The following SAMD9 variants were observed in gnomAD, a reference collection of about 807,000 sequenced individuals.
The protein encoded by SAMD9 is sterile alpha motif domain containing 9.
A neutral mutation model predicts 1.5 loss-of-function variants in SAMD9; 3 were observed. The ratio of observed to expected loss-of-function variants is 2.05; its 90% confidence interval spans 0.93 to 5.29. The LOEUF is 5.29. SAMD9 is among the 30% of genes most tolerant of loss of function. The probability of loss-of-function intolerance (pLI) is 0.02; values close to 1 mark genes in which losing one functional copy is unlikely to be tolerated. For synonymous variants in SAMD9, 635 were observed against 631.9 expected (o/e 1.00, Z -0.07); for missense variants, 1,597 against 1,820.8 (o/e 0.88, Z 2.24).
chr7:93,105,987 A>G lies in SAMD9; in HGVS notation c.111T>C (p.Thr37=), dbSNP rs974875258. The change falls in exon 3 of 3, where the codon ACT becomes ACC. Residue 37 remains threonine, a synonymous_variant. Coordinates refer to ENST00000379958, the MANE Select transcript of SAMD9 (RefSeq NM_017654.4). ...KIDQKHREIL[T]EQDVNGAVLK... The stretch of plus-strand genomic sequence containing the variant: ...AGACTGCTCCATTCACGTCTTGTTC[A>G]GTCAAAATTTCCCTGTGTTTTTGGT... The G allele has an allele frequency of 5.0e-6, 8 of 1,594,828 alleles. No homozygotes were observed. Among genetic ancestry groups the G allele is most frequent in the South Asian group, 1.1e-5 (1 of 87,300 alleles).
chr7:93,105,370 G>A lies in SAMD9; in HGVS notation c.728C>T (p.Pro243Leu), dbSNP rs1159455564. The stretch of plus-strand genomic sequence containing the variant: ...TTTGATGCCAACAATTTTCCCATGG[G>A]GTTTGTCTTTGACTCCAAAATGAAT... ...GTIHFGVKDK[P>L]HGKIVGIKVT... Residue 243 changes from proline (P) to leucine (L), a missense_variant, in exon 3 of 3, where the codon CCC (proline) becomes CTC (leucine). Around this residue, in one of 6 missense-constraint regions of SAMD9, gnomAD observed 498 missense variants for 457.4 expected, o/e 1.09. Transcript: ENST00000379958. The A allele has an allele frequency of 3.1e-6, 5 of 1,613,856 alleles. No homozygotes were observed. The highest frequency in any genetic ancestry group is 4.2e-6 in the Non-Finnish European group (5 of 1,179,960).
rs949182488 is a variant in SAMD9 at position 93,100,646 on chromosome 7, GTGTC to G, written c.*678_*681del. On this transcript the variant is annotated 3_prime_UTR_variant, in exon 3 of 3. Transcript: ENST00000379958. Reference sequence around the variant, plus strand: ...TTGTTCATTAGCTTGTGGAATTTGAGTGTCTGTATGTTTTTTTTTTAATTGTTTG... The same window carrying G: ...TTGTTCATTAGCTTGTGGAATTTGAGTGTATGTTTTTTTTTTAATTGTTTG... 6.6e-6 allele frequency: 1 copy of G among 151,258 alleles called. No homozygotes were observed. The highest frequency in any genetic ancestry group is 2.4e-5 in the African/African-American group (1 of 41,102). The allele number at this position is 151,258 out of a possible 1,614,324, so 9.4% of individuals were successfully genotyped here.
In SAMD9 at chr7:93,105,606, A is replaced by G. The variant is rs1280098124; in HGVS notation, c.492T>C (p.Tyr164=). 6.2e-7 allele frequency: 1 copy of G among 1,614,108 alleles called. No individual in the cohort carries two copies. Among genetic ancestry groups the G allele is most frequent in the South Asian group, 1.1e-5 (1 of 91,078 alleles). ...ATGGATTACTGAATTCATCAAATGG[A>G]TATGATACACATGTCAGGTCTATGG... is the stretch of plus-strand genomic sequence containing the variant. ...QPSIDLTCVS[Y]PFDEFSNPYR... The change falls in exon 3 of 3, where the codon TAT becomes TAC. Residue 164 remains tyrosine (Y), a synonymous_variant. Coordinates refer to ENST00000379958, the MANE Select transcript of SAMD9 (RefSeq NM_017654.4).
rs768443589 is a variant in SAMD9, at chr7:93,101,356, G to A, written c.4742C>T (p.Pro1581Leu). The A allele has an allele frequency of 1.2e-6, 2 of 1,612,766 alleles. No homozygotes were observed. The highest frequency in any genetic ancestry group is 1.7e-5 in the Admixed American group (1 of 59,972). The change falls in exon 3 of 3, where the codon CCA becomes CTA. Residue 1581 changes from proline to leucine, a missense_variant. This residue lies in a region of SAMD9 where 682 missense variants were observed against 810.0 expected (regional missense o/e 0.84). Coordinates refer to ENST00000379958, the MANE Select transcript of SAMD9 (RefSeq NM_017654.4). Reference sequence around the variant, plus strand: ...AACAATTTCAATGTCATAAGCAAGTGGGCCTCCAATGGAAAATCCCAGGTA... The same window carrying A: ...AACAATTTCAATGTCATAAGCAAGTAGGCCTCCAATGGAAAATCCCAGGTA... ...SFYLGFSIGGPLAYDIEIV is the reference protein window; with the variant it reads ...SFYLGFSIGGLLAYDIEIV
chr7:93,105,850 A>G lies in SAMD9; in HGVS notation c.248T>C (p.Ile83Thr), dbSNP rs772605331. 6.2e-7 allele frequency: 1 copy of G among 1,614,122 alleles called. No homozygotes were observed. The highest frequency in any genetic ancestry group is 8.5e-7 in the Non-Finnish European group (1 of 1,180,016). Residue 83 changes from isoleucine (I) to threonine (T), a missense_variant, in exon 3 of 3, where the codon ATT becomes ACT. Around this residue, in one of 6 missense-constraint regions of SAMD9, gnomAD observed 498 missense variants for 457.4 expected, o/e 1.09. Coordinates refer to ENST00000379958, the MANE Select transcript of SAMD9 (RefSeq NM_017654.4). ...ELRKTAIEDS[I>T]QTSKMGKPSK... ...GGGCTTTCCCATCTTAGATGTCTGA[A>G]TCGAATCTTCAATGGCTGTTTTCCG...
intron 2 of SAMD9, among the ~76,000 whole-genome samples, chr7:93,112,469 G>A (rs1791762040): frequency 6.6e-6 from 1 of 152,174 alleles, no homozygotes; most frequent in South Asian, 2.1e-4. Context: ...AATTAGGCAG[G>A]ATAAAGAAAT....
rs759077484 is a variant in SAMD9, at chr7:93,105,310, T to C, written c.788A>G (p.His263Arg). Residue 263 changes from histidine to arginine, a missense_variant, in exon 3 of 3, where the codon CAT (histidine) becomes CGT (arginine). His to Arg is a conservative substitution (Grantham distance 29). This residue lies in a region of SAMD9 where 498 missense variants were observed against 457.4 expected (regional missense o/e 1.09). Coordinates refer to ENST00000379958, the MANE Select transcript of SAMD9 (RefSeq NM_017654.4). ...ATACTTGTTTATCATCAGATTGAAA[T>C]GGTTAATGAGGGCTTCCTTGGTATC... is the stretch of plus-strand genomic sequence containing the variant. The part of the protein sequence containing the change: ...TNDTKEALIN[H>R]FNLMINKYFE... The C allele has an allele frequency of 7.4e-6, 12 of 1,613,888 alleles. No individual in the cohort carries two copies. In the East Asian group the frequency reaches 2.5e-4, roughly 33 times the overall value.
rs904839873 is a variant in SAMD9 at position 93,100,111 on chromosome 7, C to T, written c.*1217G>A. 2.6e-5 allele frequency: 4 copies of T among 152,156 alleles called. No individual in the cohort carries two copies. The highest frequency in any genetic ancestry group is 2.0e-4 in the Admixed American group (3 of 15,288). 9.4% of individuals were successfully genotyped at this position (152,156 alleles called of 1,614,324 possible). ...TCCCCAACATTTTTTTGGTCCTTTG[C>T]AATTTCTTTCTTTTTTGGTTGAAGA... On this transcript the variant is annotated 3_prime_UTR_variant, in exon 3 of 3. Transcript: ENST00000379958.
rs1791594240 is a variant in SAMD9 at position 93,104,429 on chromosome 7, T to C, written c.1669A>G (p.Ile557Val). The C allele has an allele frequency of 2.5e-6, 4 of 1,613,858 alleles. No homozygotes were observed. Among genetic ancestry groups the C allele is most frequent in the Non-Finnish European group, 3.4e-6 (4 of 1,179,882 alleles). The change falls in exon 3 of 3, where the codon ATT becomes GTT. Residue 557 changes from isoleucine (I) to valine (V), a missense_variant. Physicochemically the swap from Ile to Val is conservative, Grantham distance 29. This residue lies in a region of SAMD9 where 358 missense variants were observed against 460.4 expected (regional missense o/e 0.78). Transcript: ENST00000379958. ...TGGTAGAAAGCACAGAAAGTCTCAA[T>C]GAGGGGATCTCTTGGGTCATCCACA... ...SSVDDPRDPL[I>V]ETFCAFYQDL...
At chr7:93,116,110 C>A (rs1159327872) in intron 1 of SAMD9, among the ~76,000 whole-genome samples, 1 of 152,208 alleles carries the variant, frequency 6.6e-6, no homozygotes, top group East Asian at 1.9e-4. Context: ...CTCTCATCCC[C>A]CATCTCGCCG....
At chr7:93,111,104 G>A (rs1268415509) in intron 2 of SAMD9, among the ~76,000 whole-genome samples, 10 of 151,942 alleles carry the variant, frequency 6.6e-5, no homozygotes, top group Admixed American at 2.0e-4. Flanking sequence ...ATAACAAACT[G>A]TCTCTCAGAC....
chr7:93,101,782 A>C lies in SAMD9; in HGVS notation c.4316T>G (p.Phe1439Cys). The C allele has an allele frequency of 6.2e-7, 1 of 1,613,832 alleles. No individual in the cohort carries two copies. The highest frequency in any genetic ancestry group is 8.5e-7 in the Non-Finnish European group (1 of 1,179,776). ...SEPYFLASLL[F>C]WPENQQLDQH... Reference sequence around the variant, plus strand: ...ATCTAGTTGTTGATTTTCTGGCCAGAATAAGAGGGAAGCTAGAAAATACGG... The same window carrying C: ...ATCTAGTTGTTGATTTTCTGGCCAGCATAAGAGGGAAGCTAGAAAATACGG... The change falls in exon 3 of 3, where the codon TTC (phenylalanine) becomes TGC (cysteine). Residue 1439 changes from phenylalanine to cysteine, a missense_variant. Phe to Cys is a radical substitution (Grantham distance 205). Around this residue, in one of 6 missense-constraint regions of SAMD9, gnomAD observed 682 missense variants for 810.0 expected, o/e 0.84. Coordinates refer to ENST00000379958, the MANE Select transcript of SAMD9 (RefSeq NM_017654.4).
chr7:93,103,065 CATATCCAACATA>C lies in SAMD9; in HGVS notation c.3021_3032del (p.Ile1007_Asp1010del), dbSNP rs769847956. On this transcript the variant is annotated inframe_deletion, in exon 3 of 3. Transcript: ENST00000379958. The stretch of plus-strand genomic sequence containing the variant: ...TATCGAAGAACAAATTCTCAGTTAG[CATATCCAACATA>C]ATTTGACTTTTATTCAGGTGATAGC... The C allele has an allele frequency of 1.2e-6, 2 of 1,613,818 alleles. No homozygotes were observed. The highest frequency in any genetic ancestry group is 3.3e-5 in the Admixed American group (2 of 59,998).
At position 93,106,064 on chromosome 7, in the gene SAMD9, C is replaced by A; in HGVS notation, c.34G>T (p.Asp12Tyr). 1 of 1,591,778 alleles carries A rather than the reference C, an allele frequency of 6.3e-7. No homozygotes were observed. The highest frequency in any genetic ancestry group is 8.5e-7 in the Non-Finnish European group (1 of 1,173,204). Residue 12 changes from aspartate (D) to tyrosine (Y), a missense_variant, in exon 3 of 3, where the codon GAT (aspartate) becomes TAT (tyrosine). Asp to Tyr is a radical substitution (Grantham distance 160). Transcript: ENST00000379958. Reference sequence around the variant, plus strand: ...TTTACATCCTCTTTTGTCCAATCATCTGTATTTTCTGGAAGGTTAAGTTGC... The same window carrying A: ...TTTACATCCTCTTTTGTCCAATCATATGTATTTTCTGGAAGGTTAAGTTGC... ...AKQLNLPENT[D>Y]DWTKEDVNQW... is the part of the protein sequence containing the mutation.
chr7:93,103,052 A>T lies in SAMD9; in HGVS notation c.3046T>A (p.Leu1016Met), dbSNP rs1426721125. Residue 1016 changes from leucine (L) to methionine (M), a missense_variant, in exon 3 of 3, where the codon TTG becomes ATG. Transcript: ENST00000379958. ...QIMLDMLTEN[L>M]FFDTGMGKSK... is the part of the protein sequence containing the mutation. Reference sequence around the variant, plus strand: ...TTTCCCATACCAGTATCGAAGAACAAATTCTCAGTTAGCATATCCAACATA... The same window carrying T: ...TTTCCCATACCAGTATCGAAGAACATATTCTCAGTTAGCATATCCAACATA... 2 of 1,613,940 alleles carry T rather than the reference A, an allele frequency of 1.2e-6. No homozygotes were observed. Among genetic ancestry groups the T allele is most frequent in the Non-Finnish European group, 1.7e-6 (2 of 1,179,814 alleles).
At chr7:93,107,305 G>C (rs892192633) in intron 2 of SAMD9, among the ~76,000 whole-genome samples, 4 of 152,156 alleles carry the variant, frequency 2.6e-5, no homozygotes, top group African/African-American at 9.7e-5. Flanking sequence ...ATAGCTTGCT[G>C]AGTAGTGAAC....
At chr7:93,112,625 G>A (rs183118952) in intron 2 of SAMD9, among the ~76,000 whole-genome samples, 7 of 152,292 alleles carry the variant, frequency 4.6e-5, no homozygotes, top group Admixed American at 3.3e-4. Flanking sequence ...CAAAATCAAT[G>A]TGCAAAAATC....
intron 2 of SAMD9, among the ~76,000 whole-genome samples, chr7:93,106,363 C>T (rs1791644685): frequency 6.6e-6 from 1 of 152,086 alleles, no homozygotes; most frequent in South Asian, 2.1e-4. Flanking sequence ...GCTTCATTCA[C>T]TAAGTAAATT....
intron 2 of SAMD9, among the ~76,000 whole-genome samples, chr7:93,109,890 A>G (rs1351382682): frequency 6.6e-6 from 1 of 152,230 alleles, no homozygotes; most frequent in Non-Finnish European, 1.5e-5. Context: ...TCTTCAGGAT[A>G]TTATCCAGGA....
Sources: allele counts gnomAD v4.1 joint callset (sites outside exome capture counted in the v4.1 genomes callset), GRCh38; gene constraint gnomAD v4.1.1; regional missense constraint gnomAD v4.1.1; transcripts MANE v1.5; gene names NCBI Gene and HGNC (gene_info 2026-07-23, HGNC 2026-07-21).